CNTFR: variants seen among roughly 807,000 people sequenced by gnomAD.
CNTFR encodes ciliary neurotrophic factor receptor subunit alpha.
Under a neutral mutation model 40.4 loss-of-function variants are expected in CNTFR, and 12 were observed. That is an observed-to-expected ratio of 0.30 (90% CI 0.19 to 0.48). CNTFR has a LOEUF of 0.48. Ranked by LOEUF, CNTFR falls within the 20% of genes least tolerant of loss-of-function variation. The pLI, the probability that CNTFR is intolerant of heterozygous loss-of-function variation, is 0.99. For missense variants in CNTFR, 414 were observed against 506.8 expected (o/e 0.82, Z 1.76); for synonymous variants, 202 against 209.6 (o/e 0.96, Z 0.31).
chr9:34,554,148 G>A (rs552478977), intron 7 of CNTFR, among the ~76,000 whole-genome samples: 1 of 152,256 alleles, frequency 6.6e-6, no homozygotes, highest in African/African-American at 2.4e-5. Flanking sequence ...TGGAAGATCG[G>A]AGGGTCCCAA....
At chr9:34,556,203 G>T (rs1441518669) in intron 7 of CNTFR, 52 bp downstream of exon 7, 6 of 1,573,454 alleles carry the variant, frequency 3.8e-6, no homozygotes, top group Non-Finnish European at 5.2e-6. Flanking sequence ...GCCACTCACT[G>T]CACATGATTC....
chr9:34,573,427 G>A (rs1479664848), intron 2 of CNTFR, among the ~76,000 whole-genome samples: 4 of 152,190 alleles, frequency 2.6e-5, no homozygotes, highest in Admixed American at 2.0e-4. Flanking sequence ...CGAGGCTCAG[G>A]TAGGCTCAGT....
At chr9:34,556,004 C>A (rs1312507393) in intron 7 of CNTFR, among the ~76,000 whole-genome samples, 3 of 145,454 alleles carry the variant, frequency 2.1e-5, no homozygotes, top group Non-Finnish European at 4.5e-5. Flanking sequence ...CCCTGCATTT[C>A]TCTCCACGAC....
intron 1 of CNTFR, among the ~76,000 whole-genome samples, chr9:34,587,229 G>A (rs766909081): frequency 6.6e-6 from 1 of 152,194 alleles, no homozygotes; most frequent in Admixed American, 6.5e-5. Flanking sequence ...TCTAGTGTAA[G>A]TCTGAGTGTG....
chr9:34,569,146 G>C (rs1826459178), intron 2 of CNTFR, among the ~76,000 whole-genome samples, 165 bp from the exon 3 acceptor site: 1 of 152,234 alleles, frequency 6.6e-6, no homozygotes, highest in African/African-American at 2.4e-5. Context: ...CACGGAGTAG[G>C]AGGTGGGAAT....
intron 7 of CNTFR, among the ~76,000 whole-genome samples, chr9:34,553,510 TG>T (rs977320352): frequency 1.3e-5 from 2 of 152,222 alleles, no homozygotes; most frequent in African/African-American, 4.8e-5. Flanking sequence ...CCATGGCTTC[TG>T]GTCAGAGCCT....
intron 4 of CNTFR, among the ~76,000 whole-genome samples, chr9:34,560,040 T>TGGCCCTG: frequency 6.6e-6 from 1 of 152,232 alleles, no homozygotes; most frequent in African/African-American, 2.4e-5. Context: ...TACTCCTGCC[T>TGGCCCTG]GGCCCTGGGC....
At chr9:34,563,067 C>A (rs1312292307) in intron 4 of CNTFR, among the ~76,000 whole-genome samples, 3 of 152,142 alleles carry the variant, frequency 2.0e-5, no homozygotes, top group Non-Finnish European at 4.4e-5. Flanking sequence ...CAACCCCCCA[C>A]AAATATCCAT....
intron 4 of CNTFR, among the ~76,000 whole-genome samples, chr9:34,561,427 G>A (rs1333701782): frequency 6.6e-6 from 1 of 152,192 alleles, no homozygotes; most frequent in African/African-American, 2.4e-5. Flanking sequence ...GCAGTGTCTT[G>A]TAAATAAAAA....
At chr9:34,579,232 G>A (rs1042937657) in intron 2 of CNTFR, among the ~76,000 whole-genome samples, 1 of 152,088 alleles carries the variant, frequency 6.6e-6, no homozygotes, top group Non-Finnish European at 1.5e-5. Context: ...GGGGAGGGAG[G>A]GGGATCCACG....
At chr9:34,587,970 AG>A (rs1383829789) in intron 1 of CNTFR, among the ~76,000 whole-genome samples, 1 of 152,184 alleles carries the variant, frequency 6.6e-6, no homozygotes, top group African/African-American at 2.4e-5. Flanking sequence ...CGTAAGTGTC[AG>A]TCCATATGAA....
rs112258878 is a variant in CNTFR at position 34,557,194 on chromosome 9, G to T, written c.604+332C>A. On this transcript the variant is annotated intron_variant, in intron 6 of 9. Transcript: ENST00000378980. The surrounding 1 kb of genome is among the most constrained non-coding windows in gnomAD (Gnocchi z 4.2). ...GTCCGTAAGGAAGCCATTAGAGTTG[G>T]GGGGGGGTGCGGTGGAGGCTGCAGC... is the stretch of plus-strand genomic sequence containing the variant. Among the ~76,000 whole-genome samples, 3 of 151,310 alleles carry T rather than the reference G, an allele frequency of 2.0e-5. No homozygotes were observed. The highest frequency in any genetic ancestry group is 1.3e-4 in the Admixed American group (2 of 15,192).
intron 1 of CNTFR, among the ~76,000 whole-genome samples, chr9:34,588,724 G>C (rs1827647557): frequency 6.6e-6 from 1 of 152,214 alleles, no homozygotes; most frequent in South Asian, 2.1e-4. Context: ...GCGAGCAAGC[G>C]AGCGAGCTAA....
intron 4 of CNTFR, among the ~76,000 whole-genome samples, chr9:34,560,239 GTGTGT>G (rs1397307320): frequency 7.9e-5 from 12 of 152,356 alleles, no homozygotes; most frequent in Admixed American, 7.2e-4. Context: ...CCTGTTGTGA[GTGTGT>G]TGTGAGTTGG....
At chr9:34,580,670 C>T (rs1212058410) in intron 2 of CNTFR, among the ~76,000 whole-genome samples, 1 of 152,206 alleles carries the variant, frequency 6.6e-6, no homozygotes, top group Non-Finnish European at 1.5e-5. Context: ...GAGAGTCAGG[C>T]TCGGCCCCAC....
intron 2 of CNTFR, among the ~76,000 whole-genome samples, chr9:34,572,811 T>C (rs138478977): frequency 9.8e-5 from 15 of 152,288 alleles, no homozygotes; most frequent in Admixed American, 3.9e-4. Context: ...GTCACATACA[T>C]TGACACCAAC....
At chr9:34,559,793 G>A (rs1225806243) in intron 4 of CNTFR, among the ~76,000 whole-genome samples, 1 of 152,168 alleles carries the variant, frequency 6.6e-6, no homozygotes, top group Non-Finnish European at 1.5e-5. Context: ...TGCAGAGTCC[G>A]CTCCCTGCTG....
Position 34,557,778 on chromosome 9 carries a change from G to C in CNTFR, c.438-86C>G. On this transcript the variant is annotated intron_variant, in intron 5 of 9. Transcript: ENST00000378980. This position sits in a 1 kb window ranked among gnomAD's most constrained non-coding sequence, Gnocchi z 4.2. ...TGAGGAAAGGTCAAGCCCAAGGCAG[G>C]GCTGGGGTATGGACAGAGGGCATGG... 6.3e-7 allele frequency: 1 copy of C among 1,581,630 alleles called. No individual in the cohort carries two copies. The highest frequency in any genetic ancestry group is 8.7e-7 in the Non-Finnish European group (1 of 1,154,748).
chr9:34,573,577 G>A (rs942938261), intron 2 of CNTFR, among the ~76,000 whole-genome samples: 19 of 152,304 alleles, frequency 1.2e-4, no homozygotes, highest in South Asian at 6.2e-4. Flanking sequence ...GCGTCAGGGT[G>A]GGTTCAGAAC....
Sources: allele counts gnomAD v4.1 joint callset (sites outside exome capture counted in the v4.1 genomes callset), GRCh38; gene constraint gnomAD v4.1.1; non-coding constraint Gnocchi (gnomAD v3.1); transcripts MANE v1.5; gene names NCBI Gene and HGNC (gene_info 2026-07-23, HGNC 2026-07-21).